The following ZNF394 variants were observed in gnomAD, a reference collection of about 807,000 sequenced individuals.
ZNF394 encodes zinc finger protein 394.
In ZNF394, 19 loss-of-function variants were observed where a neutral mutation model predicts 21.8. The observed-to-expected ratio is 0.87, with a 90% CI of 0.61 to 1.28. The LOEUF (loss-of-function observed/expected upper bound fraction) is 1.28, where lower values mean the gene tolerates loss of function less well. Among genes scored for constraint, ZNF394 ranks in the 50% most tolerant of loss-of-function variants. ZNF394 has a pLI of 0.00. For synonymous variants in ZNF394, 294 were observed against 273.3 expected (o/e 1.08, Z -0.75); for missense variants, 683 against 708.6 (o/e 0.96, Z 0.41).
At chr7:99,486,668 G>T (rs747777469) in exon 2 of ZNF394, 2 of 1,614,188 alleles carry the variant, frequency 1.2e-6, no homozygotes, top group Non-Finnish European at 1.7e-6. Flanking sequence ...TACAGCAGGG[G>T]CTTCCTTCAA....
intron 1 of ZNF394, among the ~76,000 whole-genome samples, chr7:99,487,783 AAAG>A (rs1455902417): frequency 2.0e-5 from 3 of 151,950 alleles, no homozygotes; most frequent in African/African-American, 7.2e-5. Context: ...CAAAAAAAAA[AAAG>A]AAAGGGCTGG....
In ZNF394 at chr7:99,493,385, T is replaced by C. The variant is rs760419567; in HGVS notation, c.*144A>G. The stretch of plus-strand genomic sequence containing the variant: ...GATTCTCCTACCTCAGCCTCCCGAA[T>C]AGCTGGGCTTACAGGCATGCACCAC... On this transcript the variant is annotated 3_prime_UTR_variant, in exon 3 of 3. Transcript: ENST00000337673. The C allele has an allele frequency of 6.6e-5, 66 of 1,001,206 alleles. No homozygotes were observed. Among genetic ancestry groups the C allele is most frequent in the Non-Finnish European group, 8.6e-5 (61 of 712,574 alleles). 62.0% of individuals were successfully genotyped at this position (1,001,206 alleles called of 1,614,324 possible). A position where few individuals can be genotyped will look rare whatever the true frequency, so the allele number is the denominator to read the frequency against.
intron 2 of ZNF394, among the ~76,000 whole-genome samples, chr7:99,497,259 C>T (rs1800364834): frequency 2.7e-5 from 4 of 150,554 alleles, no homozygotes; most frequent in Admixed American, 2.7e-4. Context: ...ACCTCCGCCT[C>T]CCAGGTTCAG....
rs1468828974 is a variant in ZNF394, at chr7:99,499,858, T to C, written c.236A>G (p.Glu79Gly). 1 of 1,613,982 alleles carries C rather than the reference T, an allele frequency of 6.2e-7. No homozygotes were observed. The highest frequency in any genetic ancestry group is 8.5e-7 in the Non-Finnish European group (1 of 1,180,014). The change falls in exon 1 of 3, where the codon GAA becomes GGA. Residue 79 changes from glutamate to glycine, a missense_variant. Glu to Gly is a moderately conservative substitution (Grantham distance 98, BLOSUM62 -2). This residue lies in a region of ZNF394 where 402 missense variants were observed against 373.8 expected (regional missense o/e 1.08). Transcript: ENST00000337673. ...QLRYQEVAGPEEALSRLRELC... is the reference protein window; with the variant it reads ...QLRYQEVAGPGEALSRLRELC... ...TTCTCGGAGCCGGCTCAGCGCCTCTTCCGGTCCAGCCACCTCCTGGTAACG... is the reference window on the plus strand; with the variant it reads ...TTCTCGGAGCCGGCTCAGCGCCTCTCCCGGTCCAGCCACCTCCTGGTAACG...
In ZNF394 at chr7:99,494,606, T is replaced by A. The variant is rs1001376030; in HGVS notation, c.609A>T (p.Lys203Asn). 5.6e-6 allele frequency: 9 copies of A among 1,601,202 alleles called. No individual in the cohort carries two copies. The highest frequency in any genetic ancestry group is 7.7e-6 in the Non-Finnish European group (9 of 1,175,180). The change falls in exon 3 of 3, where the codon AAA becomes AAT. Residue 203 changes from lysine to asparagine, a missense_variant. Coordinates refer to ENST00000337673, the MANE Select transcript of ZNF394 (RefSeq NM_032164.4). ...AAATTTGTTGCATTGGAATCAACTC[T>A]TTGTTCTCCACTCTGCTTTCCAAAC... is the stretch of plus-strand genomic sequence containing the variant. ...PPSLESRVENKELIPMQQILE... is the reference protein window; with the variant it reads ...PPSLESRVENNELIPMQQILE...
Position 99,494,093 on chromosome 7 carries a change from A to G in ZNF394, c.1122T>C (p.Phe374=). The G allele has an allele frequency of 1.9e-6, 3 of 1,614,178 alleles. No homozygotes were observed. Among genetic ancestry groups the G allele is most frequent in the Non-Finnish European group, 2.5e-6 (3 of 1,180,030 alleles). The part of the protein sequence containing the change: ...GKSFKQRSDL[F]RHQRIHTGEK... ...CACCTGTGTGGATTCTCTGGTGTCT[A>G]AAGAGGTCAGAGCGTTGTTTGAAAC... The change falls in exon 3 of 3, where the codon TTT becomes TTC. Residue 374 remains phenylalanine, a synonymous_variant. Transcript: ENST00000337673.
chr7:99,486,904 A>G (rs777364166), exon 2 of ZNF394: 4 of 1,614,042 alleles, frequency 2.5e-6, no homozygotes, highest in Non-Finnish European at 2.5e-6. Flanking sequence ...TTTTGAGTGT[A>G]AGGTCTGTGG....
intron 1 of ZNF394, among the ~76,000 whole-genome samples, chr7:99,487,824 G>A (rs1312220243): frequency 6.6e-6 from 1 of 151,662 alleles, no homozygotes; most frequent in Non-Finnish European, 1.5e-5. Context: ...TGTAATCCCA[G>A]CACTTTGGGA....
chr7:99,494,975 C>A (rs546935404), intron 2 of ZNF394, among the ~76,000 whole-genome samples: 1 of 151,772 alleles, frequency 6.6e-6, no homozygotes, highest in Non-Finnish European at 1.5e-5. Flanking sequence ...CCTCATGATC[C>A]GCTCGCCTCA....
chr7:99,487,622 C>A, intron 1 of ZNF394: 1 of 1,011,792 alleles, frequency 9.9e-7, no homozygotes, highest in Non-Finnish European at 1.4e-6. Context: ...TTTGTGTAGC[C>A]AATCTGTAGT....
downstream of ZNF394, among the ~76,000 whole-genome samples, chr7:99,492,076 A>G (rs1217275207): frequency 7.5e-4 from 106 of 140,412 alleles, no homozygotes; most frequent in Admixed American, 3.7e-3. Flanking sequence ...CCGTCTCAAG[A>G]AAAAAAAAAA....
At chr7:99,487,799 G>A (rs1584578905) in intron 1 of ZNF394, among the ~76,000 whole-genome samples, 1 of 151,774 alleles carries the variant, frequency 6.6e-6, no homozygotes, top group East Asian at 1.9e-4. Flanking sequence ...AGGGCTGGGC[G>A]CGGTGGCTCA....
chr7:99,489,248 C>T (rs966529807), downstream of ZNF394, among the ~76,000 whole-genome samples: 2 of 150,696 alleles, frequency 1.3e-5, no homozygotes, highest in Admixed American at 1.3e-4. Context: ...CATGCCACTG[C>T]ACTCCAGCCT....
rs1300192279 is a variant in ZNF394 at position 99,493,629 on chromosome 7, TCAAGA to T, written c.1581_1585del (p.Cys527Ter). The T allele has an allele frequency of 6.2e-7, 1 of 1,614,224 alleles. No individual in the cohort carries two copies. The highest frequency in any genetic ancestry group is 8.5e-7 in the Non-Finnish European group (1 of 1,180,044). On this transcript the variant is annotated stop_gained and frameshift_variant, in exon 3 of 3. Coordinates refer to ENST00000337673, the MANE Select transcript of ZNF394 (RefSeq NM_032164.4). LOFTEE classifies it low-confidence loss of function (END_TRUNC). The stretch of plus-strand genomic sequence containing the variant: ...ACTTTGTCTAAATCTTTCCCCACAT[TCAAGA>T]CATTTGTAAGGCTTTTCCCCAGTGT...
chr7:99,498,916 C>A, intron 1 of ZNF394, 74 bp from the exon 2 acceptor site: 3 of 1,518,848 alleles, frequency 2.0e-6, no homozygotes, highest in Non-Finnish European at 1.8e-6. Context: ...GAGTCTTGTA[C>A]CGACAAGGGA....
Position 99,493,597 on chromosome 7 carries a change from G to T in ZNF394, c.1618C>A (p.Leu540Ile). 6.2e-7 allele frequency: 1 copy of T among 1,614,164 alleles called. No homozygotes were observed. The highest frequency in any genetic ancestry group is 8.5e-7 in the Non-Finnish European group (1 of 1,180,028). Residue 540 changes from leucine (L) to isoleucine (I), a missense_variant, in exon 3 of 3, where the codon CTT becomes ATT. By Grantham distance (5) the Leu-to-Ile change is conservative. Coordinates refer to ENST00000337673, the MANE Select transcript of ZNF394 (RefSeq NM_032164.4). Reference protein sequence around the residue: ...CGERFRQSTHLIRHQRIHQNK... With the variant: ...CGERFRQSTHIIRHQRIHQNK... ...TGATGAATTCTTTGGTGTCGGATAA[G>T]GTGTGTACTTTGTCTAAATCTTTCC...
chr7:99,490,146 CTT>C (rs943034221), downstream of ZNF394, among the ~76,000 whole-genome samples: 100 of 89,228 alleles, frequency 1.1e-3, no homozygotes, highest in African/African-American at 4.1e-3. Context: ...AAAACCTCAT[CTT>C]TTTTTTTTTT....
At chr7:99,492,175 G>A (rs886972334), downstream of ZNF394, among the ~76,000 whole-genome samples, 1 of 152,046 alleles carries the variant, frequency 6.6e-6, no homozygotes, top group Non-Finnish European at 1.5e-5. Context: ...TAGGTTTTCT[G>A]GAAAGTGAAA....
intron 1 of ZNF394, chr7:99,487,030 G>A: frequency 6.2e-7 from 1 of 1,614,010 alleles, no homozygotes; most frequent in Non-Finnish European, 8.5e-7. Flanking sequence ...GTATCTTGTT[G>A]AACATAAGAG....
Sources: gnomAD v4.1 joint callset for allele counts (sites outside exome capture counted in the v4.1 genomes callset) on GRCh38, gnomAD v4.1.1 for gene constraint, gnomAD v4.1.1 regional missense constraint, MANE v1.5 for transcripts, NCBI Gene and HGNC (gene_info 2026-07-23, HGNC 2026-07-21) for gene names.